MMD2: variants seen among roughly 807,000 people sequenced by gnomAD.
The protein encoded by MMD2 is monocyte to macrophage differentiation associated 2.
Under a neutral mutation model 33.5 loss-of-function variants are expected in MMD2, and 30 were observed. That is an observed-to-expected ratio of 0.90 (90% CI 0.67 to 1.22). The LOEUF (loss-of-function observed/expected upper bound fraction) is 1.22, where lower values mean the gene tolerates loss of function less well. Ranked by LOEUF, MMD2 falls within the 50% of genes most tolerant of loss-of-function variation. The pLI is 0.00. For missense variants in MMD2, 364 were observed against 325.4 expected (o/e 1.12, Z -0.91); for synonymous variants, 129 against 123.0 (o/e 1.05, Z -0.32).
At chr7:4,937,731 C>G (rs13243248) in intron 1 of MMD2, among the ~76,000 whole-genome samples, 19,523 of 151,932 alleles carry the variant, frequency 0.13, 1,478 homozygotes, top group East Asian at 0.32. Flanking sequence ...TGGTCTCAAA[C>G]TCCAGGGCTC....
the MMD2 span, among the ~76,000 whole-genome samples, chr7:4,896,745 TTTTC>T: frequency 1.3e-5 from 2 of 152,242 alleles, no homozygotes; most frequent in Non-Finnish European, 2.9e-5. Flanking sequence ...GGAGTTTTCA[TTTTC>T]TTTGTCTTTT....
chr7:4,945,185 T>TTTCTTCTTCCTCTTCTTCTTCTTC (rs1786026057), intron 1 of MMD2, among the ~76,000 whole-genome samples: 1 of 93,480 alleles, frequency 1.1e-5, no homozygotes, highest in Non-Finnish European at 2.1e-5. Flanking sequence ...CCTCTTCCTC[T>TTTCTTCTTCCTCTTCTTCTTCTTC]TTCTTCTTCT....
At chr7:4,933,686 G>A (rs897891854) in intron 1 of MMD2, among the ~76,000 whole-genome samples, 1 of 151,788 alleles carries the variant, frequency 6.6e-6, no homozygotes, top group African/African-American at 2.4e-5. Context: ...TGGCTGGAGT[G>A]CAGTGGTGTC....
At chr7:4,927,781 G>A in intron 1 of MMD2, among the ~76,000 whole-genome samples, 1 of 152,102 alleles carries the variant, frequency 6.6e-6, no homozygotes, top group East Asian at 1.9e-4. Flanking sequence ...AATCTTCAAA[G>A]CGTTATCACC....
chr7:4,916,372 T>A (rs1322990987), intron 3 of MMD2, among the ~76,000 whole-genome samples: 8 of 20,104 alleles, frequency 4.0e-4, no homozygotes, highest in Non-Finnish European at 5.2e-4. Context: ...TCCGTCCCAC[T>A]TTTTTTTTTT....
At chr7:4,894,059 T>C in the MMD2 span, among the ~76,000 whole-genome samples, 1 of 152,180 alleles carries the variant, frequency 6.6e-6, no homozygotes, top group Non-Finnish European at 1.5e-5. The surrounding 1 kb of genome is among the most constrained non-coding windows in gnomAD (Gnocchi z 4.3). Context: ...CTCCTAGGAA[T>C]GCAGCCCAGT....
chr7:4,938,372 TG>T (rs894214436), intron 1 of MMD2, among the ~76,000 whole-genome samples: 2 of 152,024 alleles, frequency 1.3e-5, no homozygotes, highest in African/African-American at 4.8e-5. Context: ...CTGTGTCTGG[TG>T]GGGGCCTTCT....
chr7:4,953,187 C>G (rs1340772461), intron 1 of MMD2, among the ~76,000 whole-genome samples: 2 of 151,798 alleles, frequency 1.3e-5, no homozygotes, highest in Non-Finnish European at 2.9e-5. Flanking sequence ...GTATTCCTAT[C>G]TGAAGTGTTA....
chr7:4,935,958 G>A (rs2115131436), intron 1 of MMD2, among the ~76,000 whole-genome samples: 1 of 152,184 alleles, frequency 6.6e-6, no homozygotes, highest in African/African-American at 2.4e-5. Context: ...GCCGAGGCAA[G>A]CAGATCACCT....
downstream of MMD2, among the ~76,000 whole-genome samples, chr7:4,904,732 C>T (rs1784838750): frequency 6.6e-6 from 1 of 152,148 alleles, no homozygotes; most frequent in African/African-American, 2.4e-5. Context: ...CACTGAGGCT[C>T]AGAGAGGTTA....
At chr7:4,947,402 T>TC (rs1281329253) in intron 1 of MMD2, among the ~76,000 whole-genome samples, 1 of 149,978 alleles carries the variant, frequency 6.7e-6, no homozygotes, top group Non-Finnish European at 1.5e-5. Context: ...TATGCACTTT[T>TC]TTTTTTTTTG....
intron 1 of MMD2, among the ~76,000 whole-genome samples, chr7:4,956,293 G>A (rs768455226): frequency 2.0e-5 from 3 of 151,798 alleles, no homozygotes; most frequent in Non-Finnish European, 4.4e-5. Context: ...AGGCATGGTG[G>A]TGCACACCTG....
the MMD2 span, among the ~76,000 whole-genome samples, chr7:4,900,378 T>A: frequency 1.3e-5 from 2 of 152,092 alleles, no homozygotes; most frequent in East Asian, 3.9e-4. Flanking sequence ...TCTGTTATAC[T>A]GGTAAAAAGG....
chr7:4,937,982 T>TTTTCTTTTTTTTTTCTTTTTTTC lies in MMD2; in HGVS notation c.48-12451_48-12450insGAAAAAAAGAAAAAAAAAAGAAA, dbSNP rs1401383616. Among the ~76,000 whole-genome samples, 30 of 145,482 alleles carry TTTTCTTTTTTTTTTCTTTTTTTC rather than the reference T, an allele frequency of 2.1e-4. 1 individual carries two copies. The highest frequency in any genetic ancestry group is 3.9e-4 in the Non-Finnish European group (26 of 66,924). The stretch of plus-strand genomic sequence containing the variant: ...ACAATTTAATTTCTTTTTCTTTTTT[T>TTTTCTTTTTTTTTTCTTTTTTTC]TTTCTTTTTTTCTTTCTTTCTTTTT... On this transcript the variant is annotated intron_variant, in intron 1 of 6. Coordinates refer to ENST00000401401, the MANE Select transcript of MMD2 (RefSeq NM_198403.4).
At chr7:4,937,998 C>CTTTTTTTTTTTTTTTTTTTTTTT (rs1785791916) in intron 1 of MMD2, among the ~76,000 whole-genome samples, 1 of 62,730 alleles carries the variant, frequency 1.6e-5, no homozygotes, top group Non-Finnish European at 3.2e-5. Flanking sequence ...TTTTTTCTTT[C>CTTTTTTTTTTTTTTTTTTTTTTT]TTTCTTTTTT....
At chr7:4,897,990 G>C in the MMD2 span, among the ~76,000 whole-genome samples, 1 of 151,858 alleles carries the variant, frequency 6.6e-6, no homozygotes, top group Non-Finnish European at 1.5e-5. Context: ...CACCCACCTT[G>C]GCCTCCCAAA....
chr7:4,912,640 T>A (rs1325954996), intron 4 of MMD2, among the ~76,000 whole-genome samples: 1 of 151,534 alleles, frequency 6.6e-6, no homozygotes, highest in Non-Finnish European at 1.5e-5. Context: ...TCTGGAAAGG[T>A]GTAGTTAACA....
chr7:4,898,785 G>A, the MMD2 span, among the ~76,000 whole-genome samples: 1 of 152,156 alleles, frequency 6.6e-6, no homozygotes. Context: ...TGTAATCCCA[G>A]CTACTTGGGA....
chr7:4,896,666 T>C, the MMD2 span, among the ~76,000 whole-genome samples: 2 of 152,066 alleles, frequency 1.3e-5, no homozygotes, highest in African/African-American at 2.4e-5. Flanking sequence ...ACAAAAGACA[T>C]AGATGACTAT....
Sources: gnomAD v4.1 joint callset for allele counts (sites outside exome capture counted in the v4.1 genomes callset) on GRCh38, gnomAD v4.1.1 for gene constraint, Gnocchi (gnomAD v3.1) non-coding constraint, MANE v1.5 for transcripts, NCBI Gene and HGNC (gene_info 2026-07-23, HGNC 2026-07-21) for gene names.